Variants in LSM12 observed in about 807,000 individuals in gnomAD.
LSM12 encodes the protein protein LSM12.
For synonymous variants in LSM12, 74 were observed against 87.3 expected, an observed-to-expected ratio of 0.85 and a Z score of 0.85; for missense variants, 108 against 238.9, an observed-to-expected ratio of 0.45 and a Z score of 3.61.
intron 2 of LSM12, among the ~76,000 whole-genome samples, chr17:44,046,102 A>G (rs2144083165): frequency 6.7e-6 from 1 of 150,328 alleles, no homozygotes; most frequent in South Asian, 2.1e-4. Flanking sequence ...ACGCCCGGAT[A>G]ATTTTTGTAT....
chr17:44,044,751 T>C (rs1003670991), intron 2 of LSM12, among the ~76,000 whole-genome samples: 2 of 152,202 alleles, frequency 1.3e-5, no homozygotes, highest in Admixed American at 6.5e-5. Context: ...TACCTTGCCC[T>C]TTTTTGTCAT....
At chr17:44,045,697 A>G (rs935056086) in intron 2 of LSM12, among the ~76,000 whole-genome samples, 1 of 152,060 alleles carries the variant, frequency 6.6e-6, no homozygotes, top group South Asian at 2.1e-4. Context: ...CAGCTTCCCA[A>G]GTAGCTGGGA....
intron 2 of LSM12, among the ~76,000 whole-genome samples, chr17:44,056,471 A>T (rs1014976678): frequency 3.3e-5 from 5 of 151,660 alleles, no homozygotes; most frequent in Admixed American, 3.3e-4. Context: ...GTTTTTTTTT[A>T]ATTAGCTGGA....
At chr17:44,061,998 G>A (rs939248874) in intron 2 of LSM12, among the ~76,000 whole-genome samples, 3 of 152,114 alleles carry the variant, frequency 2.0e-5, no homozygotes, top group African/African-American at 7.2e-5. Context: ...GAGGCGGGCG[G>A]ATCACAAAGT....
In LSM12 at chr17:44,035,825, A is replaced by G. The variant is rs566327345; in HGVS notation, c.*383T>C. The G allele has an allele frequency of 8.4e-5, 13 of 154,096 alleles. No homozygotes were observed. Among genetic ancestry groups the G allele is most frequent in the African/African-American group, 3.2e-4 (13 of 41,080 alleles). 9.5% of individuals were successfully genotyped at this position (154,096 alleles called of 1,614,324 possible). A position where few individuals can be genotyped will look rare whatever the true frequency, so the allele number is the denominator to read the frequency against. ...AGAAAAGATGTAAAAGTTTCTTTCA[A>G]TCATTCAGAAGGCAAGTGTAGCCAC... On this transcript the variant is annotated 3_prime_UTR_variant, in exon 5 of 5. Coordinates refer to ENST00000293406, the MANE Select transcript of LSM12 (RefSeq NM_001371445.1).
chr17:44,066,545 C>G lies in LSM12; in HGVS notation c.43G>C (p.Val15Leu). ...PGEYFSVGSQ[V>L]SCRTCQEQRL... Reference sequence around the variant, plus strand: ...TGCTCCTGGCACGTCCGGCACGACACCTGGCTCCCAACGCTGAAGTACTCG... The same window carrying G: ...TGCTCCTGGCACGTCCGGCACGACAGCTGGCTCCCAACGCTGAAGTACTCG... The change falls in exon 1 of 5, where the codon GTG (valine) becomes CTG (leucine). Residue 15 changes from valine to leucine, a missense_variant. Val to Leu is a conservative substitution (Grantham distance 32). Transcript: ENST00000293406. The G allele has an allele frequency of 6.6e-7, 1 of 1,514,234 alleles. No homozygotes were observed. Among genetic ancestry groups the G allele is most frequent in the Non-Finnish European group, 8.8e-7 (1 of 1,131,952 alleles). 93.8% of individuals were successfully genotyped at this position (1,514,234 alleles called of 1,614,324 possible).
At chr17:44,066,431 G>A in intron 1 of LSM12, 33 bp downstream of exon 1, 4 of 1,544,000 alleles carry the variant, frequency 2.6e-6, no homozygotes, top group Non-Finnish European at 2.6e-6. Flanking sequence ...CTACACGCCG[G>A]CCCGGACTCG....
At chr17:44,050,518 T>C (rs1405803695) in intron 2 of LSM12, among the ~76,000 whole-genome samples, 1 of 146,550 alleles carries the variant, frequency 6.8e-6, no homozygotes, top group Non-Finnish European at 1.5e-5. Context: ...GCCTGAACAT[T>C]TTTTTTTTTT....
intron 1 of LSM12, among the ~76,000 whole-genome samples, chr17:44,064,570 C>CAAA (rs72236200): frequency 4.2e-5 from 6 of 141,464 alleles, no homozygotes; most frequent in African/African-American, 1.5e-4. Context: ...CCGTCACTAC[C>CAAA]AAAAAAAAAA....
chr17:44,066,625 G>A lies in LSM12; in HGVS notation c.-38C>T, dbSNP rs1389189078. 9 of 1,313,888 alleles carry A rather than the reference G, an allele frequency of 6.8e-6. No individual in the cohort carries two copies. The highest frequency in any genetic ancestry group is 8.8e-6 in the Non-Finnish European group (9 of 1,028,336). The allele number at this position is 1,313,888 out of a possible 1,614,324, so 81.4% of individuals were successfully genotyped here. A position where few individuals can be genotyped will look rare whatever the true frequency, so the allele number is the denominator to read the frequency against. The stretch of plus-strand genomic sequence containing the variant: ...GCCGCGGCCGGCGGCGGCGGCGGCA[G>A]CAGCGGGCGAAAGCCGGGCCCCCAG... On this transcript the variant is annotated 5_prime_UTR_variant, in exon 1 of 5. Transcript: ENST00000293406.
At chr17:44,058,870 T>C (rs1235670084) in intron 2 of LSM12, among the ~76,000 whole-genome samples, 1 of 151,794 alleles carries the variant, frequency 6.6e-6, no homozygotes. Context: ...TGTGGTGGTT[T>C]GTGCCGGTAG....
At chr17:44,055,857 T>TA (rs1042058895) in intron 2 of LSM12, among the ~76,000 whole-genome samples, 20 of 151,476 alleles carry the variant, frequency 1.3e-4, no homozygotes, top group Non-Finnish European at 2.4e-4. Context: ...AATTTACTGA[T>TA]ACTTGGGTTT....
chr17:44,040,084 C>T lies in LSM12; in HGVS notation c.368+63G>A, dbSNP rs953643091. On this transcript the variant is annotated intron_variant, in intron 3 of 4. Transcript: ENST00000293406. Reference sequence around the variant, plus strand: ...GGAAGACAACCACCCAAAAGCCTGCCACCAGACAGCACAACCAGGTAGCAT... The same window carrying T: ...GGAAGACAACCACCCAAAAGCCTGCTACCAGACAGCACAACCAGGTAGCAT... The T allele has an allele frequency of 2.2e-5, 28 of 1,288,082 alleles. No individual in the cohort carries two copies. In the Middle Eastern group the frequency reaches 1.3e-3, roughly 60 times the overall value. 79.8% of individuals were successfully genotyped at this position (1,288,082 alleles called of 1,614,324 possible). A position where few individuals can be genotyped will look rare whatever the true frequency, so the allele number is the denominator to read the frequency against.
rs2049704924 is a variant in LSM12 at position 44,055,730 on chromosome 17, T to TGA, written c.258+8070_258+8071insTC. ...ATATATAAAATATATATAAAATATA[T>TGA]TATATATATAATATATGTGTATATA... On this transcript the variant is annotated intron_variant, in intron 2 of 4. Coordinates refer to ENST00000293406, the MANE Select transcript of LSM12 (RefSeq NM_001371445.1). 2.1e-5 allele frequency among the ~76,000 whole-genome samples: 3 copies of TGA among 145,048 alleles called. No homozygotes were observed. In the Admixed American group the frequency reaches 2.1e-4, roughly 10 times the overall value.
chr17:44,043,568 G>C (rs1199816857), intron 2 of LSM12, among the ~76,000 whole-genome samples: 7 of 134,188 alleles, frequency 5.2e-5, no homozygotes, highest in Non-Finnish European at 1.1e-4. Context: ...TTTTTTTTGA[G>C]ATGGAGTCTT....
chr17:44,044,253 G>T (rs924683202), intron 2 of LSM12, among the ~76,000 whole-genome samples: 1 of 152,132 alleles, frequency 6.6e-6, no homozygotes, highest in African/African-American at 2.4e-5. Context: ...AAAATAAAAT[G>T]GATATAAATC....
chr17:44,052,151 G>A lies in LSM12; in HGVS notation c.258+11650C>T, dbSNP rs147290825. Among the ~76,000 whole-genome samples, 449 of 151,748 alleles carry A rather than the reference G, an allele frequency of 3.0e-3. 5 individuals carry two copies. Among genetic ancestry groups the A allele is most frequent in the Middle Eastern group, 0.01 (3 of 294 alleles). ...AAATTAGCCAGGCACGGTGGTGCAC[G>A]CCTGAGCCAAGGAGGTCGAGGCTGC... On this transcript the variant is annotated intron_variant, in intron 2 of 4. Coordinates refer to ENST00000293406, the MANE Select transcript of LSM12 (RefSeq NM_001371445.1).
intron 2 of LSM12, among the ~76,000 whole-genome samples, chr17:44,043,825 C>T (rs2049527254): frequency 6.6e-5 from 10 of 150,540 alleles, no homozygotes; most frequent in Admixed American, 6.6e-4. Flanking sequence ...AAAAAAAAAT[C>T]TGAAGTCTTT....
At chr17:44,041,285 AAACAAAC>A (rs1430622447) in intron 2 of LSM12, among the ~76,000 whole-genome samples, 2 of 104,342 alleles carry the variant, frequency 1.9e-5, no homozygotes, top group East Asian at 4.8e-4. Flanking sequence ...AAAAAAAAAA[AAACAAAC>A]ACACACACAC....
Sources: gnomAD v4.1 joint callset for allele counts (sites outside exome capture counted in the v4.1 genomes callset) on GRCh38, gnomAD v4.1.1 for gene constraint, MANE v1.5 for transcripts, NCBI Gene and HGNC (gene_info 2026-07-23, HGNC 2026-07-21) for gene names.